The following NEB variants were observed in gnomAD, a reference collection of about 807,000 sequenced individuals.
NEB encodes nebulin, also known as nemaline myopathy type 2.
Under a neutral mutation model 952.2 loss-of-function variants are expected in NEB, and 512 were observed. That is an observed-to-expected ratio of 0.54 (90% CI 0.50 to 0.58). NEB has a LOEUF of 0.58. NEB is among the 20% of genes least tolerant of loss of function. The probability of loss-of-function intolerance (pLI) is 0.00; values close to 1 mark genes in which losing one functional copy is unlikely to be tolerated. For missense variants in NEB, 8,428 were observed against 9,231.1 expected, an observed-to-expected ratio of 0.91 and a Z score of 3.56; for synonymous variants, 2,900 against 3,149.8, an observed-to-expected ratio of 0.92 and a Z score of 2.66.
chr2:151,608,905 CAAAAAAAAAAA>C (rs1163520121), intron 81 of NEB, among the ~76,000 whole-genome samples: 113 of 34,424 alleles, frequency 3.3e-3, no homozygotes, highest in African/African-American at 0.014. Flanking sequence ...CTCCGTCTCA[CAAAAAAAAAAA>C]AAAAAAAAAA....
chr2:151,553,807 C>T, intron 126 of NEB, 21 bp downstream of exon 126: 2 of 1,591,332 alleles, frequency 1.3e-6, no homozygotes, highest in South Asian at 1.1e-5. Flanking sequence ...TGGAGGGGTA[C>T]TTCTTAAGTC....
intron 180 of NEB, 49 bp from the exon 181 acceptor site, chr2:151,490,126 T>G (rs941882391): frequency 1.6e-5 from 22 of 1,405,722 alleles, no homozygotes; most frequent in Non-Finnish European, 2.1e-5. Flanking sequence ...TGGCTAGGTA[T>G]CCTTTAATCT....
intron 135 of NEB, 92 bp downstream of exon 135, chr2:151,545,796 A>G (rs1345751458): frequency 1.4e-6 from 1 of 727,962 alleles, no homozygotes; most frequent in African/African-American, 1.8e-5. Flanking sequence ...TTGCCTGAAC[A>G]GCGATCACTA....
At chr2:151,506,027 TGTG>T (rs1446358686) in intron 164 of NEB, 136 bp downstream of exon 164, 17 of 764,414 alleles carry the variant, frequency 2.2e-5, no homozygotes, top group Admixed American at 9.4e-5. Context: ...CTAGCCACTG[TGTG>T]GTGGTGGTAC....
chr2:151,686,199 C>A (rs1390796261), intron 27 of NEB, among the ~76,000 whole-genome samples: 1 of 152,134 alleles, frequency 6.6e-6, no homozygotes, highest in African/African-American at 2.4e-5. Context: ...CTGACACATA[C>A]CAGTACATAT....
intron 165 of NEB, 113 bp from the exon 166 acceptor site, chr2:151,503,554 T>TA (rs758828900): frequency 7.5e-6 from 5 of 664,922 alleles, no homozygotes; most frequent in Non-Finnish European, 1.3e-5. Flanking sequence ...AGCTCTCAAA[T>TA]ATAACATTCA....
In NEB at chr2:151,633,793, A is replaced by G. The variant is rs1216981218; in HGVS notation, c.9275T>C (p.Met3092Thr). Residue 3092 changes from methionine (M) to threonine (T), a missense_variant, in exon 65 of 182, where the codon ATG becomes ACG. Coordinates refer to ENST00000397345, the MANE Select transcript of NEB (RefSeq NM_001164508.2). ...WKTKFSSPVD[M>T]LGVVLAKKCQ... ...CTTCTTGGCCAGCACCACCCCCAGC[A>G]TGTCCACTGGGCTGCTGAACTTGGT... is the stretch of plus-strand genomic sequence containing the variant. 4 of 1,613,884 alleles carry G rather than the reference A, an allele frequency of 2.5e-6. No homozygotes were observed. The highest frequency in any genetic ancestry group is 3.4e-6 in the Non-Finnish European group (4 of 1,179,856).
chr2:151,561,180 C>T (rs755213444), intron 122 of NEB, 28 bp downstream of exon 122: 2 of 1,582,944 alleles, frequency 1.3e-6, no homozygotes, highest in African/African-American at 1.3e-5. Flanking sequence ...ATAGTTTGTC[C>T]CTGGAAGAGG....
intron 147 of NEB, 110 bp from the exon 148 acceptor site, chr2:151,527,132 T>C: frequency 1.4e-6 from 1 of 708,032 alleles, no homozygotes; most frequent in South Asian, 1.9e-5. Context: ...AAAGACTTGC[T>C]ACCAGAATGA....
At chr2:151,643,528 T>A (rs2098915108) in intron 57 of NEB, among the ~76,000 whole-genome samples, 175 bp from the exon 58 acceptor site, 1 of 152,228 alleles carries the variant, frequency 6.6e-6, no homozygotes, top group African/African-American at 2.4e-5. Flanking sequence ...ATCAACAAAA[T>A]ATTCAGATTA....
chr2:151,692,082 T>C lies in NEB; in HGVS notation c.2083A>G (p.Lys695Glu), dbSNP rs774293740. 6 of 1,614,012 alleles carry C rather than the reference T, an allele frequency of 3.7e-6. No homozygotes were observed. In the South Asian group the frequency reaches 4.4e-5, roughly 12 times the overall value. ...ACATCACTGTTTTGAGCTGCAACTTTCATGCAGTGTGTGTGATATGGGTCC... is the reference window on the plus strand; with the variant it reads ...ACATCACTGTTTTGAGCTGCAACTTCCATGCAGTGTGTGTGATATGGGTCC... Reference protein sequence around the residue: ...MEDPYHTHCMKVAAQNSDKSY... With the variant: ...MEDPYHTHCMEVAAQNSDKSY... Residue 695 changes from lysine to glutamate, a missense_variant, in exon 22 of 182, where the codon AAA (lysine) becomes GAA (glutamate). Around this residue, in one of 11 missense-constraint regions of NEB, gnomAD observed 2,851 missense variants for 2,791.5 expected, o/e 1.02. Coordinates refer to ENST00000397345, the MANE Select transcript of NEB (RefSeq NM_001164508.2).
At chr2:151,573,159 G>A (rs971898124) in intron 107 of NEB, among the ~76,000 whole-genome samples, 1 of 152,152 alleles carries the variant, frequency 6.6e-6, no homozygotes, top group Non-Finnish European at 1.5e-5. Context: ...CAGTAATGGT[G>A]ATACACTTGT....
At position 151,576,226 on chromosome 2, in the gene NEB, C is replaced by T; in HGVS notation, c.16833G>A (p.Val5611=). 4 of 1,611,542 alleles carry T rather than the reference C, an allele frequency of 2.5e-6. No homozygotes were observed. Among genetic ancestry groups the T allele is most frequent in the Non-Finnish European group, 3.4e-6 (4 of 1,178,232 alleles). ...FCDSVYRTPV[V]NLKYTSIVDT... ...CAACAATGCTTGTGTACTTAAGGTT[C>T]ACCACAGGCGTCCGATAGACACTGT... is the stretch of plus-strand genomic sequence containing the variant. Residue 5611 remains valine (V), a synonymous_variant, in exon 106 of 182, where the codon GTG becomes GTA. Transcript: ENST00000397345.
chr2:151,529,176 C>G (rs1267073429), intron 146 of NEB, 34 bp downstream of exon 146: 1 of 1,425,656 alleles, frequency 7.0e-7, no homozygotes, highest in Non-Finnish European at 9.9e-7. Flanking sequence ...CTGGTAAATC[C>G]CCCACCATGC....
chr2:151,603,829 TG>T, intron 85 of NEB, 57 bp from the exon 86 acceptor site: 1 of 1,537,616 alleles, frequency 6.5e-7, no homozygotes, highest in Non-Finnish European at 8.8e-7. Context: ...CATAAGAGTT[TG>T]ATGCTTGCAA....
chr2:151,717,455 A>G lies in NEB; in HGVS notation c.783T>C (p.Asp261=), dbSNP rs184395708. Residue 261 remains aspartate, a synonymous_variant, in exon 10 of 182, where the codon GAT becomes GAC. Coordinates refer to ENST00000397345, the MANE Select transcript of NEB (RefSeq NM_001164508.2). ...TGGTTACTTTCTTGGCAAATTCTAT[A>G]TCTGGAGGATCAGCCAGAGGCGTGA... is the stretch of plus-strand genomic sequence containing the variant. ...AQFTPLADPP[D]IEFAKKVTNQ... 2 of 1,613,928 alleles carry G rather than the reference A, an allele frequency of 1.2e-6. No homozygotes were observed. Among genetic ancestry groups the G allele is most frequent in the East Asian group, 2.2e-5 (1 of 44,884 alleles).
chr2:151,541,307 T>C, intron 136 of NEB, 140 bp downstream of exon 136: 1 of 595,138 alleles, frequency 1.7e-6, no homozygotes. Context: ...GAACTGCTTC[T>C]TCAAGTGCAG....
chr2:151,631,936 C>A (rs2098675847), intron 65 of NEB, among the ~76,000 whole-genome samples: 1 of 152,176 alleles, frequency 6.6e-6, no homozygotes. Context: ...TCTGTAATGC[C>A]TTTAAAAACA....
At chr2:151,576,819 G>A (rs1380038275) in intron 105 of NEB, among the ~76,000 whole-genome samples, 1 of 151,970 alleles carries the variant, frequency 6.6e-6, no homozygotes, top group African/African-American at 2.4e-5. Flanking sequence ...ACAGGCATGA[G>A]CCACTACGCC....
Sources: allele counts gnomAD v4.1 joint callset (sites outside exome capture counted in the v4.1 genomes callset), GRCh38; gene constraint gnomAD v4.1.1; regional missense constraint gnomAD v4.1.1; transcripts MANE v1.5; gene names NCBI Gene and HGNC (gene_info 2026-07-23, HGNC 2026-07-21).